Variants in SOX5 observed in about 807,000 individuals in gnomAD.
The protein encoded by SOX5 is transcription factor SOX-5.
SOX5 carries 9 observed loss-of-function variants against 92.0 expected under a neutral mutation model. That is an observed-to-expected ratio of 0.10 (90% confidence interval 0.06 to 0.17). The LOEUF (loss-of-function observed/expected upper bound fraction) is 0.17, where lower values mean the gene tolerates loss of function less well. SOX5 is among the 10% of genes least tolerant of loss of function. SOX5 has a pLI of 1.00. For missense variants in SOX5, 642 were observed against 944.5 expected, an observed-to-expected ratio of 0.68 and a Z score of 4.20; for synonymous variants, 344 against 336.3, an observed-to-expected ratio of 1.02 and a Z score of -0.25.
At chr12:23,946,515 A>G (rs1034800375) in intron 1 of SOX5, among the ~76,000 whole-genome samples, 7 of 152,038 alleles carry the variant, frequency 4.6e-5, no homozygotes, top group African/African-American at 1.7e-4. Context: ...TTTAAGGCAA[A>G]TATTTTCTTT....
intron 9 of SOX5, among the ~76,000 whole-genome samples, chr12:23,593,080 A>AAAAT (rs758718194): frequency 5.9e-5 from 5 of 84,218 alleles, no homozygotes; most frequent in South Asian, 3.8e-4. Flanking sequence ...CCCTGTCTCA[A>AAAAT]AAATAAATAA....
At chr12:23,567,916 C>T (rs1947424625) in intron 10 of SOX5, among the ~76,000 whole-genome samples, 1 of 151,908 alleles carries the variant, frequency 6.6e-6, no homozygotes, top group Non-Finnish European at 1.5e-5. Flanking sequence ...GAGATAAACT[C>T]TAAAAGGAAA....
At chr12:24,280,193 G>C (rs1049864547) in intron 2 of SOX5, among the ~76,000 whole-genome samples, 2 of 152,150 alleles carry the variant, frequency 1.3e-5, no homozygotes, top group African/African-American at 4.8e-5. Context: ...CCAGTAAAAG[G>C]TTACTCAGTC....
intron 7 of SOX5, among the ~76,000 whole-genome samples, chr12:23,643,341 G>T (rs1463107625): frequency 6.6e-6 from 1 of 152,110 alleles, no homozygotes; most frequent in Non-Finnish European, 1.5e-5. Flanking sequence ...GGGCCTAAAG[G>T]GTGTTGTTGC....
intron 4 of SOX5, among the ~76,000 whole-genome samples, chr12:24,121,708 G>T (rs920832091): frequency 6.6e-6 from 1 of 150,680 alleles, no homozygotes; most frequent in South Asian, 2.1e-4. Flanking sequence ...GCAAGATGGT[G>T]AAACCCCATC....
chr12:24,448,540 C>G (rs1310262392), intron 1 of SOX5, among the ~76,000 whole-genome samples: 2 of 152,174 alleles, frequency 1.3e-5, no homozygotes, highest in Non-Finnish European at 2.9e-5. Context: ...CAGGGGACTT[C>G]TTGGTATTAA....
At chr12:24,518,992 T>C (rs768564979) in intron 1 of SOX5, among the ~76,000 whole-genome samples, 47 of 152,194 alleles carry the variant, frequency 3.1e-4, no homozygotes, top group Non-Finnish European at 1.0e-4. Flanking sequence ...ATGATCATTA[T>C]ACTTCCAAGA....
intron 1 of SOX5, among the ~76,000 whole-genome samples, chr12:24,406,293 G>A (rs190136736): frequency 1.5e-3 from 227 of 152,260 alleles, no homozygotes; most frequent in African/African-American, 4.7e-3. Context: ...GGCGCTGAAG[G>A]AGAAGCCCTG....
At chr12:24,193,534 A>G (rs1049195369) in intron 4 of SOX5, among the ~76,000 whole-genome samples, 2 of 152,216 alleles carry the variant, frequency 1.3e-5, no homozygotes, top group African/African-American at 4.8e-5. Context: ...TTAATAGAAA[A>G]TGTAGTGATC....
intron 1 of SOX5, among the ~76,000 whole-genome samples, chr12:24,418,532 C>CT (rs930834079): frequency 5.5e-4 from 84 of 152,322 alleles, no homozygotes; most frequent in African/African-American, 1.9e-3. Context: ...TTCCCAAACT[C>CT]TGTGGTCATC....
intron 1 of SOX5, among the ~76,000 whole-genome samples, chr12:24,552,820 T>C (rs1323996947): frequency 6.6e-6 from 1 of 152,148 alleles, no homozygotes; most frequent in Non-Finnish European, 1.5e-5. Flanking sequence ...GGCAACATGA[T>C]GAAACCCCAC....
rs73280157 is a variant in SOX5, at chr12:23,903,590, A to G, written c.39-7566T>C. On this transcript the variant is annotated intron_variant, in intron 1 of 14. Transcript: ENST00000451604. ...AAAGTGAGACCCTGTCTCAAAAAAA[A>G]CTCTTTTAATTAAAAATATTTAATA... Among the ~76,000 whole-genome samples, 538 of 152,252 alleles carry G rather than the reference A, an allele frequency of 3.5e-3. 2 individuals carry two copies. Among genetic ancestry groups the G allele is most frequent in the African/African-American group, 0.012 (511 of 41,562 alleles).
Position 24,470,582 on chromosome 12 carries a change from C to T in SOX5, c.-251+91747G>A, listed in dbSNP as rs371007609. Among the ~76,000 whole-genome samples, 18 of 152,236 alleles carry T rather than the reference C, an allele frequency of 1.2e-4. 1 individual carries two copies. In the East Asian group the frequency reaches 2.3e-3, roughly 20 times the overall value. On this transcript the variant is annotated intron_variant, in intron 1 of 4. Coordinates refer to the SOX5 transcript ENST00000446891. The stretch of plus-strand genomic sequence containing the variant: ...GGGCTGGGGGGTGGGCAGGGAAACA[C>T]TCTCATTTTCATTTGGGAAAATTAG...
intron 4 of SOX5, among the ~76,000 whole-genome samples, chr12:24,096,831 T>A (rs776530346): frequency 6.6e-6 from 1 of 152,186 alleles, no homozygotes; most frequent in Non-Finnish European, 1.5e-5. Flanking sequence ...AGTGCTGTTA[T>A]AAATACTTGT....
At position 24,552,201 on chromosome 12, in the gene SOX5, A is replaced by T. The variant is rs182468980; in HGVS notation, c.-251+10128T>A. ...TTTAAATTTTATTTTAGAACTCCTA[A>T]AACCACATTATCAAAAAAAAAGTCT... is the stretch of plus-strand genomic sequence containing the variant. On this transcript the variant is annotated intron_variant, in intron 1 of 4. Coordinates refer to the SOX5 transcript ENST00000446891. Among the ~76,000 whole-genome samples, 224 of 152,256 alleles carry T rather than the reference A, an allele frequency of 1.5e-3. 2 individuals carry two copies. Among genetic ancestry groups the T allele is most frequent in the African/African-American group, 4.2e-3 (175 of 41,544 alleles).
At chr12:24,246,242 A>G (rs1565741614) in intron 3 of SOX5, among the ~76,000 whole-genome samples, 1 of 147,786 alleles carries the variant, frequency 6.8e-6, no homozygotes, top group African/African-American at 2.5e-5. Context: ...TTTTTGCCTA[A>G]TTTTTTTTTC....
chr12:23,590,250 T>C (rs145929113), intron 9 of SOX5, among the ~76,000 whole-genome samples: 129 of 152,112 alleles, frequency 8.5e-4, no homozygotes, highest in African/African-American at 2.9e-3. Flanking sequence ...GCAGAAGTAT[T>C]AATTAGGCTA....
chr12:23,612,236 T>C (rs2076056640), intron 8 of SOX5, among the ~76,000 whole-genome samples: 1 of 152,122 alleles, frequency 6.6e-6, no homozygotes, highest in African/African-American at 2.4e-5. Context: ...TTTATTGATA[T>C]ACATTAGATG....
At chr12:23,719,783 T>C (rs1273066241) in intron 6 of SOX5, among the ~76,000 whole-genome samples, 1 of 53,450 alleles carries the variant, frequency 1.9e-5, no homozygotes, top group Non-Finnish European at 3.9e-5. Flanking sequence ...ACCCCAGCTA[T>C]TTACCAAAAA....
Sources: allele counts gnomAD v4.1 joint callset (sites outside exome capture counted in the v4.1 genomes callset), GRCh38; gene constraint gnomAD v4.1.1; transcripts MANE v1.5; gene names NCBI Gene and HGNC (gene_info 2026-07-23, HGNC 2026-07-21).